FBN3: variants seen among roughly 807,000 people sequenced by gnomAD.
The protein encoded by FBN3 is fibrillin-3.
In FBN3, 234 loss-of-function variants were observed where a neutral mutation model predicts 330.1. The observed-to-expected ratio is 0.71, with a 90% CI of 0.64 to 0.79. The LOEUF is 0.79. Ranked by LOEUF, FBN3 falls within the 30% of genes least tolerant of loss-of-function variation. The pLI, the probability that FBN3 is intolerant of heterozygous loss-of-function variation, is 0.00. For missense variants in FBN3, 3,606 were observed against 3,886.9 expected, an observed-to-expected ratio of 0.93 and a Z score of 1.92; for synonymous variants, 1,458 against 1,517.3, an observed-to-expected ratio of 0.96 and a Z score of 0.91.
intron 10 of FBN3, among the ~76,000 whole-genome samples, 195 bp from the exon 11 acceptor site, chr19:8,136,726 C>G (rs1010250879): frequency 6.6e-6 from 1 of 152,192 alleles, no homozygotes; most frequent in Non-Finnish European, 1.5e-5. Flanking sequence ...TCCCTCCAAC[C>G]TGGGACCTAG....
Position 8,068,989 on chromosome 19 carries a change from A to T in FBN3, c.8089-2729T>A, listed in dbSNP as rs188106565. On this transcript the variant is annotated intron_variant, in intron 63 of 63. Transcript: ENST00000600128. The stretch of plus-strand genomic sequence containing the variant: ...AGACCCAGCAGCCAGGGGATTATTC[A>T]GATGACATTGCGACCCAGAGCCCTA... Among the ~76,000 whole-genome samples, 8 of 152,254 alleles carry T rather than the reference A, an allele frequency of 5.3e-5. No homozygotes were observed. In the East Asian group the frequency reaches 1.5e-3, roughly 29 times the overall value.
rs1045499116 is a variant in FBN3, at chr19:8,087,046, C to T, written c.6754+31G>A. On this transcript the variant is annotated intron_variant, in intron 54 of 63. Coordinates refer to ENST00000600128, the MANE Select transcript of FBN3 (RefSeq NM_032447.5). ...GACCTCTCCCTTCCACAAGGAGTTT[C>T]CTGCACCCATGAAGCTCCAGTGCCC... The T allele has an allele frequency of 4.4e-6, 7 of 1,596,808 alleles. No homozygotes were observed. The African/African-American group carries it at 5.4e-5, about 12-fold the overall frequency.
At position 8,136,078 on chromosome 19, in the gene FBN3, C is replaced by T. The variant is rs143434557; in HGVS notation, c.1474G>A (p.Glu492Lys). The T allele has an allele frequency of 1.4e-3, 2,184 of 1,613,872 alleles. 1 individual carries two copies. The highest frequency in any genetic ancestry group is 1.8e-3 in the Non-Finnish European group (2,099 of 1,179,932). The change falls in exon 13 of 64, where the codon GAG becomes AAG. Residue 492 changes from glutamate to lysine, a missense_variant. By Grantham distance (56) the Glu-to-Lys change is moderately conservative. Transcript: ENST00000600128. ...PTRQACVDVD[E>K]CIVSGGLCHL... ...CAAAGGCCACCACTGACAATGCACTCGTCCACATCTGCGGGGAAGGCAGGC... is the reference window on the plus strand; with the variant it reads ...CAAAGGCCACCACTGACAATGCACTTGTCCACATCTGCGGGGAAGGCAGGC...
At chr19:8,148,245 T>C (rs1274085872) in intron 1 of FBN3, among the ~76,000 whole-genome samples, 1 of 152,056 alleles carries the variant, frequency 6.6e-6, no homozygotes, top group Non-Finnish European at 1.5e-5. Context: ...GCAAGACCCT[T>C]TTCTAACATC....
Position 8,121,229 on chromosome 19 carries a change from C to T in FBN3, c.3211+29G>A. The stretch of plus-strand genomic sequence containing the variant: ...CAATGCCCTCCCTGCCCAGGGCGCC[C>T]ACCACACCCCTGCCCGGCAGTCACC... On this transcript the variant is annotated intron_variant, in intron 25 of 63. Transcript: ENST00000600128. The surrounding 1 kb of genome is among the most constrained non-coding windows in gnomAD (Gnocchi z 4.5). 1 of 1,565,506 alleles carries T rather than the reference C, an allele frequency of 6.4e-7. No homozygotes were observed. The highest frequency in any genetic ancestry group is 8.7e-7 in the Non-Finnish European group (1 of 1,151,928).
At chr19:8,146,263 C>T (rs753856439) in intron 3 of FBN3, 38 bp from the exon 4 acceptor site, 15 of 1,533,304 alleles carry the variant, frequency 9.8e-6, no homozygotes, top group South Asian at 1.2e-5. Context: ...AGACCAGGAC[C>T]GAGCCTGGGC....
intron 8 of FBN3, among the ~76,000 whole-genome samples, chr19:8,141,072 G>A (rs2083400409): frequency 6.6e-6 from 1 of 151,284 alleles, no homozygotes; most frequent in African/African-American, 2.4e-5. Context: ...GCGGGCGCCT[G>A]TAGTCCCAGC....
rs1298494634 is a variant in FBN3, at chr19:8,126,398, C to T, written c.2555-51G>A. 3.8e-6 allele frequency: 6 copies of T among 1,584,902 alleles called. No homozygotes were observed. In the Admixed American group the frequency reaches 7.5e-5, roughly 20 times the overall value. ...GAGAGGAGTCATTTTCTCATGCCAGCCCAAGGGGGGACCCGCCCCATGGAG... is the reference window on the plus strand; with the variant it reads ...GAGAGGAGTCATTTTCTCATGCCAGTCCAAGGGGGGACCCGCCCCATGGAG... On this transcript the variant is annotated intron_variant, in intron 20 of 63. Coordinates refer to ENST00000600128, the MANE Select transcript of FBN3 (RefSeq NM_032447.5).
intron 36 of FBN3, among the ~76,000 whole-genome samples, chr19:8,108,984 T>C (rs2082512260): frequency 6.6e-6 from 1 of 152,172 alleles, no homozygotes; most frequent in Non-Finnish European, 1.5e-5. Context: ...ATTTGTTGAC[T>C]GACTGAGTGA....
chr19:8,141,058 G>A (rs940796465), intron 8 of FBN3, among the ~76,000 whole-genome samples: 1 of 151,602 alleles, frequency 6.6e-6, no homozygotes, highest in African/African-American at 2.4e-5. Context: ...ATCCGGGCGT[G>A]GTAGCGGGCG....
chr19:8,071,433 C>T (rs867864480), intron 63 of FBN3, among the ~76,000 whole-genome samples: 2 of 152,128 alleles, frequency 1.3e-5, no homozygotes, highest in African/African-American at 4.8e-5. Context: ...CAGGTTGGGG[C>T]CCTGGGGCTC....
At position 8,131,422 on chromosome 19, in the gene FBN3, G is replaced by A; in HGVS notation, c.1990+132C>T. 3.4e-6 allele frequency: 5 copies of A among 1,450,120 alleles called. No individual in the cohort carries two copies. The highest frequency in any genetic ancestry group is 1.3e-5 in the South Asian group (1 of 78,798). 89.8% of individuals were successfully genotyped at this position (1,450,120 alleles called of 1,614,324 possible). On this transcript the variant is annotated intron_variant, in intron 15 of 63. Transcript: ENST00000600128. This position sits in a 1 kb window ranked among gnomAD's most constrained non-coding sequence, Gnocchi z 4.5. ...AGACACAACTCCAACCCCGGGGAGG[G>A]AGCAACTCCCTTCAGCCTCTTTTTG... is the stretch of plus-strand genomic sequence containing the variant.
At chr19:8,089,237 G>T (rs1256606932) in intron 51 of FBN3, among the ~76,000 whole-genome samples, 3 of 152,146 alleles carry the variant, frequency 2.0e-5, no homozygotes, top group African/African-American at 7.2e-5. Flanking sequence ...GAGTAAATGA[G>T]TGAGTGAATG....
rs138322146 is a variant in FBN3 at position 8,066,189 on chromosome 19, G to C, written c.8160C>G (p.Ala2720=). The change falls in exon 64 of 64, where the codon GCC becomes GCG. Residue 2720 remains alanine, a synonymous_variant. Coordinates refer to ENST00000600128, the MANE Select transcript of FBN3 (RefSeq NM_032447.5). ...LGLNLSHLGR[A]ERILELRPAL... is the part of the protein sequence containing the mutation. Reference sequence around the variant, plus strand: ...CCGGCCGGAGCTCCAGGATGCGCTCGGCCCGGCCCAGGTGTGAGAGGTTCA... The same window carrying C: ...CCGGCCGGAGCTCCAGGATGCGCTCCGCCCGGCCCAGGTGTGAGAGGTTCA... The C allele has an allele frequency of 3.7e-6, 6 of 1,611,044 alleles. No homozygotes were observed. The African/African-American group carries it at 6.7e-5, about 18-fold the overall frequency.
chr19:8,067,560 C>G (rs868546762), intron 63 of FBN3, among the ~76,000 whole-genome samples: 2 of 151,968 alleles, frequency 1.3e-5, no homozygotes, highest in Non-Finnish European at 2.9e-5. Flanking sequence ...CCCAGGAGTT[C>G]GAAGCAGCAG....
At chr19:8,145,686 A>G (rs1273568159) in intron 5 of FBN3, among the ~76,000 whole-genome samples, 157 bp downstream of exon 5, 1 of 149,800 alleles carries the variant, frequency 6.7e-6, no homozygotes, top group African/African-American at 2.5e-5. Flanking sequence ...GTCTCAAAAA[A>G]AAAAAAAAAA....
chr19:8,089,822 G>A, intron 50 of FBN3, 72 bp downstream of exon 50: 2 of 1,533,116 alleles, frequency 1.3e-6, no homozygotes, highest in South Asian at 1.2e-5. Flanking sequence ...CTGAAACTCA[G>A]AGACCCAGGC....
chr19:8,104,693 T>A lies in FBN3; in HGVS notation c.4814-1006A>T, dbSNP rs189198836. On this transcript the variant is annotated intron_variant, in intron 38 of 63. Coordinates refer to ENST00000600128, the MANE Select transcript of FBN3 (RefSeq NM_032447.5). ...GGTCATTACTCTAGTCCAGGGGTAG[T>A]AAGCTTTTTCTGTAAAGGGCCAGAA... Among the ~76,000 whole-genome samples, 411 of 152,194 alleles carry A rather than the reference T, an allele frequency of 2.7e-3. 2 individuals carry two copies. The highest frequency in any genetic ancestry group is 8.8e-3 in the African/African-American group (367 of 41,530).
chr19:8,144,792 C>G lies in FBN3; in HGVS notation c.541+85G>C, dbSNP rs1013430992. 8.1e-6 allele frequency: 9 copies of G among 1,113,684 alleles called. No homozygotes were observed. In the African/African-American group the frequency reaches 1.2e-4, roughly 15 times the overall value. The allele number at this position is 1,113,684 out of a possible 1,614,324, so 69.0% of individuals were successfully genotyped here. A position where few individuals can be genotyped will look rare whatever the true frequency, so the allele number is the denominator to read the frequency against. On this transcript the variant is annotated intron_variant, in intron 6 of 63. Transcript: ENST00000600128. ...GGAGGCCAGCTGGTTCCTTTCAAGG[C>G]CTGGCCATGTCTCAGGGACTTCCAG...
Sources: allele counts gnomAD v4.1 joint callset (sites outside exome capture counted in the v4.1 genomes callset), GRCh38; gene constraint gnomAD v4.1.1; non-coding constraint Gnocchi (gnomAD v3.1); transcripts MANE v1.5; gene names NCBI Gene and HGNC (gene_info 2026-07-23, HGNC 2026-07-21).